FRYL: variants seen among roughly 807,000 people sequenced by gnomAD.
FRYL encodes the protein FRY like transcription coactivator.
FRYL carries 150 observed loss-of-function variants against 351.2 expected under a neutral mutation model. That is an observed-to-expected ratio of 0.43 (90% CI 0.37 to 0.49). FRYL has a LOEUF of 0.49. Among genes scored for constraint, FRYL ranks in the 20% least tolerant of loss-of-function variants. The pLI, the probability that FRYL is intolerant of heterozygous loss-of-function variation, is 0.00. For missense variants in FRYL, 3,036 were observed against 3,619.3 expected (o/e 0.84, Z 4.13); for synonymous variants, 1,153 against 1,257.1 (o/e 0.92, Z 1.75).
At chr4:48,725,977 T>C (rs530231834) in intron 1 of FRYL, among the ~76,000 whole-genome samples, 17 of 152,128 alleles carry the variant, frequency 1.1e-4, no homozygotes, top group African/African-American at 3.9e-4. Context: ...GAAACTACTA[T>C]ATAGGAAAAA....
At chr4:48,737,708 T>G (rs1432786952) in intron 1 of FRYL, among the ~76,000 whole-genome samples, 1 of 152,128 alleles carries the variant, frequency 6.6e-6, no homozygotes, top group Non-Finnish European at 1.5e-5. Context: ...TGAACATAGA[T>G]GCAATTACCT....
chr4:48,667,340 G>A (rs767605407), intron 3 of FRYL, among the ~76,000 whole-genome samples: 22 of 151,890 alleles, frequency 1.4e-4, no homozygotes, highest in Non-Finnish European at 2.6e-4. Context: ...GGCACATACA[G>A]GAAATGTGTT....
intron 1 of FRYL, among the ~76,000 whole-genome samples, chr4:48,756,507 T>A (rs1016539571): frequency 5.9e-5 from 9 of 152,200 alleles, no homozygotes; most frequent in African/African-American, 2.2e-4. Context: ...AACTGTCTGA[T>A]AATTTGCTAA....
At chr4:48,778,830 T>C (rs1375686531) in intron 1 of FRYL, among the ~76,000 whole-genome samples, 1 of 152,102 alleles carries the variant, frequency 6.6e-6, no homozygotes. Flanking sequence ...AAAACCCTTT[T>C]TCCCCCCCAA....
intron 54 of FRYL, 65 bp from the exon 55 acceptor site, chr4:48,521,280 T>G: frequency 6.7e-6 from 8 of 1,187,606 alleles, no homozygotes; most frequent in Non-Finnish European, 9.6e-6. Flanking sequence ...AAACATTCTC[T>G]ATCATAAAAT....
At chr4:48,591,065 C>T (rs147172299) in intron 16 of FRYL, among the ~76,000 whole-genome samples, 1 of 152,248 alleles carries the variant, frequency 6.6e-6, no homozygotes, top group Non-Finnish European at 1.5e-5. Flanking sequence ...TCCTTATTGT[C>T]TCTAAGGCTT....
At chr4:48,508,262 T>G (rs1218416322) in intron 59 of FRYL, among the ~76,000 whole-genome samples, 3 of 152,190 alleles carry the variant, frequency 2.0e-5, no homozygotes, top group Non-Finnish European at 4.4e-5. Flanking sequence ...CCATATAAAT[T>G]TTAGAATCAG....
intron 1 of FRYL, among the ~76,000 whole-genome samples, chr4:48,746,258 T>C (rs1772665370): frequency 6.6e-6 from 1 of 151,950 alleles, no homozygotes; most frequent in African/African-American, 2.4e-5. Context: ...AGTTGAAGAG[T>C]CATGCAGTGT....
At chr4:48,556,931 G>A in intron 35 of FRYL, 47 bp downstream of exon 35, 1 of 1,424,786 alleles carries the variant, frequency 7.0e-7, no homozygotes. Flanking sequence ...CAAGATACTA[G>A]TAAATATATA....
chr4:48,754,495 T>C (rs569029826), intron 1 of FRYL, among the ~76,000 whole-genome samples: 1 of 152,250 alleles, frequency 6.6e-6, no homozygotes, highest in Non-Finnish European at 1.5e-5. Flanking sequence ...TATCTGGGAG[T>C]ATATACCTAG....
At chr4:48,653,578 A>G (rs1758157013) in intron 3 of FRYL, 1 of 451,652 alleles carries the variant, frequency 2.2e-6, no homozygotes, top group South Asian at 2.2e-5. Flanking sequence ...ACTGATTACC[A>G]TTCAAGAAAA....
At position 48,655,752 on chromosome 4, in the gene FRYL, TTA is replaced by T. The variant is rs1758742544; in HGVS notation, c.-80-21264_-80-21263del. Reference sequence around the variant, plus strand: ...ATATAAAATTATATCTAATGTATAATTATATAATACATTATGTAATACATTCT... The same window carrying T: ...ATATAAAATTATATCTAATGTATAATTATAATACATTATGTAATACATTCT... On this transcript the variant is annotated intron_variant, in intron 3 of 63. Transcript: ENST00000358350. Among the ~76,000 whole-genome samples the T allele has an allele frequency of 2.1e-5, 3 of 145,930 alleles. No homozygotes were observed. The Admixed American group carries it at 2.1e-4, about 10-fold the overall frequency.
At chr4:48,720,356 G>A (rs1267622610) in intron 1 of FRYL, among the ~76,000 whole-genome samples, 1 of 151,750 alleles carries the variant, frequency 6.6e-6, no homozygotes, top group Non-Finnish European at 1.5e-5. Flanking sequence ...AATTAATCAG[G>A]CATGGTGGCA....
At position 48,609,775 on chromosome 4, in the gene FRYL, A is replaced by C. The variant is rs761138250; in HGVS notation, c.460T>G (p.Leu154Val). Reference sequence around the variant, plus strand: ...TTATGTTTAAAGTGCTTAAAAGCTAAGTTTAGAACTTCATGAACTAAGGGA... The same window carrying C: ...TTATGTTTAAAGTGCTTAAAAGCTACGTTTAGAACTTCATGAACTAAGGGA... ...PDPLVHEVLN[L>V]AFKHFKHKEG... The change falls in exon 8 of 64, where the codon TTA becomes GTA. Residue 154 changes from leucine (L) to valine (V), a missense_variant. Transcript: ENST00000358350. The C allele has an allele frequency of 3.8e-6, 6 of 1,592,932 alleles. No homozygotes were observed. Among genetic ancestry groups the C allele is most frequent in the Non-Finnish European group, 5.1e-6 (6 of 1,167,196 alleles).
rs1735847059 is a variant in FRYL at position 48,562,929 on chromosome 4, G to C, written c.3656C>G (p.Ser1219Cys). The C allele has an allele frequency of 1.2e-6, 2 of 1,608,946 alleles. No individual in the cohort carries two copies. The highest frequency in any genetic ancestry group is 1.7e-6 in the Non-Finnish European group (2 of 1,176,220). ...AGCAACTTCATAGATACTTCTAGAA[G>C]AATCAGCTGCTTTAAACAGTATCAG... ...LNLILFKAAD[S>C]SRSIYEVAMQ... is the part of the protein sequence containing the mutation. The change falls in exon 32 of 64, where the codon TCT becomes TGT. Residue 1219 changes from serine (S) to cysteine (C), a missense_variant. Transcript: ENST00000358350.
intron 53 of FRYL, among the ~76,000 whole-genome samples, chr4:48,525,691 G>A (rs1296115054): frequency 6.6e-6 from 1 of 151,416 alleles, no homozygotes; most frequent in South Asian, 2.1e-4. Flanking sequence ...ATATGTATAC[G>A]AGAGCTGATG....
At chr4:48,725,517 A>G (rs1277077715) in intron 1 of FRYL, among the ~76,000 whole-genome samples, 2 of 152,236 alleles carry the variant, frequency 1.3e-5, no homozygotes, top group Non-Finnish European at 2.9e-5. Context: ...TCAGAAATAA[A>G]CAATTCATAA....
At chr4:48,551,395 C>A in intron 37 of FRYL, 99 bp downstream of exon 37, 2 of 652,708 alleles carry the variant, frequency 3.1e-6, no homozygotes, top group African/African-American at 1.9e-5. Flanking sequence ...AATTTTAACA[C>A]AGCAACATCC....
chr4:48,516,539 G>C, intron 55 of FRYL, among the ~76,000 whole-genome samples: 1 of 152,150 alleles, frequency 6.6e-6, no homozygotes. Context: ...CTGTAGAGTA[G>C]CTCCTTATCT....
Sources: gnomAD v4.1 joint callset for allele counts (sites outside exome capture counted in the v4.1 genomes callset) on GRCh38, gnomAD v4.1.1 for gene constraint, MANE v1.5 for transcripts, NCBI Gene and HGNC (gene_info 2026-07-23, HGNC 2026-07-21) for gene names.